Variants in IQCH observed in about 807,000 individuals in gnomAD.
IQCH encodes IQ domain-containing protein H.
Under a neutral mutation model 117.0 loss-of-function variants are expected in IQCH, and 98 were observed. The observed-to-expected ratio is 0.84, with a 90% CI of 0.71 to 0.99. The LOEUF (loss-of-function observed/expected upper bound fraction) is 0.99, where lower values mean the gene tolerates loss of function less well. Among genes scored for constraint, IQCH ranks in the 50% least tolerant of loss-of-function variants. IQCH has a pLI of 0.00. For synonymous variants in IQCH, 412 were observed against 448.2 expected, an observed-to-expected ratio of 0.92 and a Z score of 1.02; for missense variants, 1,102 against 1,243.8, an observed-to-expected ratio of 0.89 and a Z score of 1.72.
chr15:67,322,782 T>G (rs1567095578), intron 4 of IQCH, among the ~76,000 whole-genome samples: 1 of 58,922 alleles, frequency 1.7e-5, no homozygotes. Context: ...GGACAGGGGA[T>G]GTGGGGGGTG....
At chr15:67,353,503 G>T (rs755533315) in intron 6 of IQCH, among the ~76,000 whole-genome samples, 3 of 151,950 alleles carry the variant, frequency 2.0e-5, no homozygotes, top group African/African-American at 7.3e-5. Context: ...GGGACTACAG[G>T]TGCGCGCCAC....
intron 4 of IQCH, among the ~76,000 whole-genome samples, chr15:67,290,480 A>C (rs1966714318): frequency 6.6e-6 from 1 of 152,102 alleles, no homozygotes; most frequent in Non-Finnish European, 1.5e-5. Context: ...ATTCTTATTC[A>C]TGGCTAGTCT....
intron 3 of IQCH, 115 bp from the exon 4 acceptor site, chr15:67,279,280 A>G (rs1966251875): frequency 1.6e-6 from 1 of 628,288 alleles, no homozygotes; most frequent in Admixed American, 3.2e-5. Flanking sequence ...GTAATTACCA[A>G]TAGAATATTT....
intron 4 of IQCH, among the ~76,000 whole-genome samples, chr15:67,282,712 T>A (rs1321993962): frequency 6.6e-6 from 1 of 152,146 alleles, no homozygotes; most frequent in Non-Finnish European, 1.5e-5. Context: ...GAAATCCAAC[T>A]GGGATATTAC....
At chr15:67,267,906 T>G (rs891956425) in intron 3 of IQCH, among the ~76,000 whole-genome samples, 3 of 152,146 alleles carry the variant, frequency 2.0e-5, no homozygotes, top group African/African-American at 4.8e-5. Flanking sequence ...CTTATCAAGA[T>G]CTTCATCATC....
chr15:67,296,098 T>C (rs1427855853), intron 4 of IQCH, among the ~76,000 whole-genome samples: 1 of 152,220 alleles, frequency 6.6e-6, no homozygotes, highest in Non-Finnish European at 1.5e-5. Context: ...TCACATACCT[T>C]CAAGAAAGTA....
chr15:67,397,848 C>G (rs1971520938), intron 13 of IQCH, among the ~76,000 whole-genome samples: 1 of 152,146 alleles, frequency 6.6e-6, no homozygotes, highest in Non-Finnish European at 1.5e-5. Context: ...TTAAATCTAG[C>G]ATGAACACAG....
chr15:67,339,316 ACT>A (rs1969038699), intron 5 of IQCH, among the ~76,000 whole-genome samples: 4 of 152,150 alleles, frequency 2.6e-5, no homozygotes, highest in Admixed American at 6.5e-5. Context: ...TAAAATCATG[ACT>A]CTCATACAAA....
At chr15:67,321,120 C>G (rs954687708) in intron 4 of IQCH, among the ~76,000 whole-genome samples, 2 of 152,182 alleles carry the variant, frequency 1.3e-5, no homozygotes, top group Non-Finnish European at 2.9e-5. Context: ...TACTTTCCTT[C>G]ATTAGTCACA....
intron 6 of IQCH, among the ~76,000 whole-genome samples, chr15:67,352,597 G>T (rs1969713126): frequency 2.5e-5 from 3 of 118,272 alleles, no homozygotes; most frequent in Admixed American, 1.0e-4. Flanking sequence ...TTATTTCATT[G>T]TTTTCTAGCA....
chr15:67,288,734 T>C (rs1429962980), intron 4 of IQCH, among the ~76,000 whole-genome samples: 1 of 152,124 alleles, frequency 6.6e-6, no homozygotes, highest in Non-Finnish European at 1.5e-5. Flanking sequence ...GTTTAGTCCA[T>C]TTACATTCAA....
rs1043837266 is a variant in IQCH, at chr15:67,300,527, C to G, written c.387+21015C>G. ...ACTAAATTCTTTGTATTTTTCTTTTCTCTGCATTTGAGACTAAACAGCAGC... is the reference window on the plus strand; with the variant it reads ...ACTAAATTCTTTGTATTTTTCTTTTGTCTGCATTTGAGACTAAACAGCAGC... On this transcript the variant is annotated intron_variant, in intron 4 of 20. Transcript: ENST00000335894. 1.1e-4 allele frequency among the ~76,000 whole-genome samples: 17 copies of G among 152,150 alleles called. 1 individual carries two copies. The highest frequency in any genetic ancestry group is 4.1e-4 in the African/African-American group (17 of 41,446).
In IQCH at chr15:67,500,826, C is replaced by G; in HGVS notation, c.*80C>G. On this transcript the variant is annotated 3_prime_UTR_variant, in exon 21 of 21. Transcript: ENST00000335894. This position sits in a 1 kb window ranked among gnomAD's most constrained non-coding sequence, Gnocchi z 4.4. ...TTTTTTTTTCTGTTAGAAATAAAAGCCAGGGGAAATTGGTTTGCTTTGTGT... is the reference window on the plus strand; with the variant it reads ...TTTTTTTTTCTGTTAGAAATAAAAGGCAGGGGAAATTGGTTTGCTTTGTGT... The G allele has an allele frequency of 1.5e-6, 1 of 670,182 alleles. No individual in the cohort carries two copies. The highest frequency in any genetic ancestry group is 2.5e-6 in the Non-Finnish European group (1 of 400,758). 41.5% of individuals were successfully genotyped at this position (670,182 alleles called of 1,614,324 possible).
chr15:67,300,418 A>G (rs1407185869), intron 4 of IQCH, among the ~76,000 whole-genome samples: 1 of 152,204 alleles, frequency 6.6e-6, no homozygotes. Flanking sequence ...AGAAATCTAG[A>G]TCATACAGCT....
intron 3 of IQCH, among the ~76,000 whole-genome samples, chr15:67,266,875 C>G (rs1965698679): frequency 1.3e-5 from 2 of 152,164 alleles, no homozygotes; most frequent in Non-Finnish European, 2.9e-5. Context: ...AATGTCAACT[C>G]TCATTTTCTT....
At chr15:67,258,522 A>C (rs1274920455) in intron 1 of IQCH, among the ~76,000 whole-genome samples, 1 of 95,640 alleles carries the variant, frequency 1.0e-5, no homozygotes, top group Non-Finnish European at 2.1e-5. Flanking sequence ...CAAGAGTGAG[A>C]CTTCATCTCA....
intron 4 of IQCH, among the ~76,000 whole-genome samples, chr15:67,311,032 C>G (rs1251534207): frequency 6.6e-6 from 1 of 151,948 alleles, no homozygotes; most frequent in African/African-American, 2.4e-5. Flanking sequence ...CTTATTTAAC[C>G]CTTACACCTC....
chr15:67,271,108 A>G (rs1382196703), intron 3 of IQCH, among the ~76,000 whole-genome samples: 2 of 152,122 alleles, frequency 1.3e-5, no homozygotes, highest in African/African-American at 4.8e-5. Flanking sequence ...AGCTGGGACT[A>G]CAGGCACACA....
At chr15:67,469,059 C>A (rs2083004900) in intron 17 of IQCH, among the ~76,000 whole-genome samples, 1 of 152,118 alleles carries the variant, frequency 6.6e-6, no homozygotes, top group Admixed American at 6.6e-5. Context: ...TAGCTTGAAG[C>A]ATTCTTGTTA....
Sources: gnomAD v4.1 joint callset for allele counts (sites outside exome capture counted in the v4.1 genomes callset) on GRCh38, gnomAD v4.1.1 for gene constraint, Gnocchi (gnomAD v3.1) non-coding constraint, MANE v1.5 for transcripts, NCBI Gene and HGNC (gene_info 2026-07-23, HGNC 2026-07-21) for gene names.